The following KIFBP variants were observed in gnomAD, a reference collection of about 807,000 sequenced individuals.
KIFBP encodes kinesin family binding protein.
Under a neutral mutation model 58.9 loss-of-function variants are expected in KIFBP, and 46 were observed. The observed-to-expected ratio is 0.78, with a 90% CI of 0.62 to 1.00. The LOEUF (loss-of-function observed/expected upper bound fraction) is 1.00, where lower values mean the gene tolerates loss of function less well. Among genes scored for constraint, KIFBP ranks in the 50% least tolerant of loss-of-function variants. The pLI, the probability that KIFBP is intolerant of heterozygous loss-of-function variation, is 0.00. For synonymous variants in KIFBP, 241 were observed against 283.4 expected (o/e 0.85, Z 1.50); for missense variants, 651 against 752.9 (o/e 0.86, Z 1.58).
chr10:69,014,648 A>G (rs530046145), intron 6 of KIFBP, among the ~76,000 whole-genome samples: 1 of 147,448 alleles, frequency 6.8e-6, no homozygotes, highest in Non-Finnish European at 1.5e-5. Context: ...TCTATTATTT[A>G]TTTTTATTGG....
intron 6 of KIFBP, among the ~76,000 whole-genome samples, chr10:69,014,340 G>C (rs1564639006): frequency 6.6e-6 from 1 of 152,288 alleles, no homozygotes; most frequent in South Asian, 2.1e-4. Flanking sequence ...GAGTAAGTAG[G>C]AGTTACCTAG....
At chr10:69,001,104 C>A (rs1212109891) in intron 2 of KIFBP, among the ~76,000 whole-genome samples, 4 of 151,720 alleles carry the variant, frequency 2.6e-5, no homozygotes, top group Admixed American at 1.3e-4. Context: ...TGCTTCAGGG[C>A]AATGGTTTTT....
chr10:68,992,715 A>G (rs1843363224), intron 1 of KIFBP, among the ~76,000 whole-genome samples: 1 of 152,112 alleles, frequency 6.6e-6, no homozygotes, highest in South Asian at 2.1e-4. Context: ...CAGTGTTACA[A>G]ATCAGTTTAA....
In KIFBP at chr10:69,015,549, AG is replaced by A; in HGVS notation, c.1001del (p.Gly334GlufsTer14). 1.2e-6 allele frequency: 2 copies of A among 1,613,660 alleles called. No homozygotes were observed. The highest frequency in any genetic ancestry group is 1.7e-6 in the Non-Finnish European group (2 of 1,179,846). On this transcript the variant is annotated frameshift_variant, in exon 7 of 7. Coordinates refer to ENST00000361983, the MANE Select transcript of KIFBP (RefSeq NM_015634.4). LOFTEE classifies it high-confidence loss of function. ...NAQLSMQDNIGELDLDKQSEL... is the reference protein window; with the variant it reads ...NAQLSMQDNIXELDLDKQSEL... The stretch of plus-strand genomic sequence containing the variant: ...ATTTTTTTTTCCTTCAGGACAACAT[AG>A]GAGAGCTTGATCTTGATAAACAGTC...
At chr10:69,001,369 C>T (rs981726603) in intron 2 of KIFBP, among the ~76,000 whole-genome samples, 2 of 152,118 alleles carry the variant, frequency 1.3e-5, no homozygotes, top group African/African-American at 2.4e-5. Flanking sequence ...CCATCTGTTT[C>T]CTTAATAAAC....
chr10:69,015,459 A>C, intron 6 of KIFBP, 82 bp from the exon 7 acceptor site: 1 of 1,380,234 alleles, frequency 7.2e-7, no homozygotes, highest in Non-Finnish European at 1.0e-6. Flanking sequence ...TCTTCTAAAA[A>C]ACTCTGAAGT....
intron 1 of KIFBP, 148 bp downstream of exon 1, chr10:68,989,406 G>T: frequency 1.1e-6 from 1 of 889,580 alleles, no homozygotes; most frequent in South Asian, 1.5e-5. Context: ...GAGCGTCTGT[G>T]GTCTTCAAAA....
At chr10:68,990,845 C>T (rs1202898139) in intron 1 of KIFBP, among the ~76,000 whole-genome samples, 3 of 151,934 alleles carry the variant, frequency 2.0e-5, no homozygotes, top group African/African-American at 7.3e-5. Context: ...ATATAAATGT[C>T]AGTAGGAATA....
intron 6 of KIFBP, among the ~76,000 whole-genome samples, chr10:69,013,425 G>A (rs1225631980): frequency 1.3e-5 from 2 of 152,176 alleles, no homozygotes; most frequent in Non-Finnish European, 2.9e-5. Flanking sequence ...TTTGGAGCCA[G>A]GAAGAGCTGT....
intron 5 of KIFBP, 34 bp downstream of exon 5, chr10:69,008,959 TA>T: frequency 6.5e-7 from 1 of 1,526,838 alleles, no homozygotes; most frequent in Non-Finnish European, 9.1e-7. Flanking sequence ...ACATAGCTTT[TA>T]AAAAAAGTTT....
chr10:69,009,655 A>C (rs961857868), intron 5 of KIFBP, among the ~76,000 whole-genome samples: 1 of 152,214 alleles, frequency 6.6e-6, no homozygotes. Flanking sequence ...TTTGGTTGGA[A>C]TACTACATGC....
chr10:69,001,176 A>G (rs1843461369), intron 2 of KIFBP, among the ~76,000 whole-genome samples: 1 of 151,292 alleles, frequency 6.6e-6, no homozygotes, highest in Non-Finnish European at 1.5e-5. Context: ...ATAAAAATTG[A>G]TTGAGTTACT....
In KIFBP at chr10:68,998,771, AT is replaced by A. The variant is rs869186033; in HGVS notation, c.427-1631del. Among the ~76,000 whole-genome samples, 953 of 99,858 alleles carry A rather than the reference AT, an allele frequency of 9.5e-3. 8 individuals carry two copies. Among genetic ancestry groups the A allele is most frequent in the African/African-American group, 0.03 (811 of 27,194 alleles). The allele number at this position is 99,858 out of a possible 152,430, so 65.5% of individuals were successfully genotyped here. A position where few individuals can be genotyped will look rare whatever the true frequency, so the allele number is the denominator to read the frequency against. ...CATACATATATGTATATATATATATATTTTTTTTTTTTTTTTTTTTTTGAGA... is the reference window on the plus strand; with the variant it reads ...CATACATATATGTATATATATATATATTTTTTTTTTTTTTTTTTTTTGAGA... On this transcript the variant is annotated intron_variant, in intron 1 of 6. Transcript: ENST00000361983.
chr10:69,003,369 G>C (rs1843492965), intron 2 of KIFBP, among the ~76,000 whole-genome samples: 1 of 152,084 alleles, frequency 6.6e-6, no homozygotes, highest in African/African-American at 2.4e-5. Context: ...TGTCTTAGTT[G>C]TTTTTACTTT....
intron 1 of KIFBP, among the ~76,000 whole-genome samples, chr10:68,992,969 GCAT>G (rs559800468): frequency 6.6e-6 from 1 of 152,266 alleles, no homozygotes; most frequent in East Asian, 1.9e-4. Flanking sequence ...TCCACAGAGA[GCAT>G]GTGGTGCCCC....
At chr10:69,005,962 T>C (rs760858879) in intron 4 of KIFBP, 47 bp downstream of exon 4, 2 of 1,520,166 alleles carry the variant, frequency 1.3e-6, no homozygotes, top group Non-Finnish European at 9.1e-7. Flanking sequence ...ATAGTGAGTA[T>C]AAAAATAGAA....
intron 2 of KIFBP, among the ~76,000 whole-genome samples, chr10:69,002,211 G>A (rs536747280): frequency 6.6e-6 from 1 of 151,588 alleles, no homozygotes; most frequent in Non-Finnish European, 1.5e-5. Flanking sequence ...CCAGGCTGGA[G>A]TGCAGTGGCG....
Position 69,016,633 on chromosome 10 carries a change from A to C in KIFBP, c.*217A>C, listed in dbSNP as rs1839009688. 1.3e-5 allele frequency: 7 copies of C among 535,038 alleles called. No individual in the cohort carries two copies. Among genetic ancestry groups the C allele is most frequent in the Non-Finnish European group, 2.0e-5 (6 of 302,786 alleles). 33.1% of individuals were successfully genotyped at this position (535,038 alleles called of 1,614,324 possible). Reference sequence around the variant, plus strand: ...TAAATTGCCTTGTTAAAGACATGTGATTTGTATTTTAGATGCTTGTTTCCT... The same window carrying C: ...TAAATTGCCTTGTTAAAGACATGTGCTTTGTATTTTAGATGCTTGTTTCCT... On this transcript the variant is annotated 3_prime_UTR_variant, in exon 7 of 7. Coordinates refer to ENST00000361983, the MANE Select transcript of KIFBP (RefSeq NM_015634.4).
intron 1 of KIFBP, 165 bp downstream of exon 1, chr10:68,989,423 G>C: frequency 1.3e-6 from 1 of 757,202 alleles, no homozygotes; most frequent in East Asian, 2.7e-5. Flanking sequence ...AAAAAAGCCA[G>C]TCTTATGGAC....
Sources: allele counts gnomAD v4.1 joint callset (sites outside exome capture counted in the v4.1 genomes callset), GRCh38; gene constraint gnomAD v4.1.1; transcripts MANE v1.5; gene names NCBI Gene and HGNC (gene_info 2026-07-23, HGNC 2026-07-21).